The following MIDEAS variants were observed in gnomAD, a reference collection of about 807,000 sequenced individuals.
MIDEAS encodes the protein mitotic deacetylase associated SANT domain protein.
A neutral mutation model predicts 102.7 loss-of-function variants in MIDEAS; 26 were observed. That is an observed-to-expected ratio of 0.25 (90% CI 0.19 to 0.35). The LOEUF is 0.35. Ranked by LOEUF, MIDEAS falls within the 10% of genes least tolerant of loss-of-function variation. The pLI, the probability that MIDEAS is intolerant of heterozygous loss-of-function variation, is 1.00. For missense variants in MIDEAS, 1,231 were observed against 1,435.6 expected (o/e 0.86, Z 2.30); for synonymous variants, 585 against 591.0 (o/e 0.99, Z 0.15).
rs767161685 is a variant in MIDEAS, at chr14:73,725,792, G to T, written c.2485+241C>A. On this transcript the variant is annotated intron_variant, in intron 8 of 12. Transcript: ENST00000423556. This position sits in a 1 kb window ranked among gnomAD's most constrained non-coding sequence, Gnocchi z 4.1. The stretch of plus-strand genomic sequence containing the variant: ...CATGGGTTCCTGTCCTTGTGGCCTG[G>T]GCTTTTTTGCCTGGATGGTCTCCCA... Among the ~76,000 whole-genome samples the T allele has an allele frequency of 6.6e-6, 1 of 152,112 alleles. No individual in the cohort carries two copies. The highest frequency in any genetic ancestry group is 1.5e-5 in the Non-Finnish European group (1 of 68,014).
chr14:73,784,079 G>C (rs1011077472), intron 1 of MIDEAS, among the ~76,000 whole-genome samples: 1 of 152,312 alleles, frequency 6.6e-6, no homozygotes, highest in Non-Finnish European at 1.5e-5. Flanking sequence ...AGAGTTGCTG[G>C]GTTGCCTAAT....
At chr14:73,740,584 G>A (rs955737696) in intron 1 of MIDEAS, among the ~76,000 whole-genome samples, 1 of 152,224 alleles carries the variant, frequency 6.6e-6, no homozygotes, top group Non-Finnish European at 1.5e-5. Flanking sequence ...CACAGGTGGA[G>A]CTGACATCCA....
At chr14:73,787,316 T>C (rs1374046814), upstream of MIDEAS, 12 of 149,374 alleles carry the variant, frequency 8.0e-5, no homozygotes, top group African/African-American at 2.9e-4. Flanking sequence ...CGCCCCCGGC[T>C]CCGCGCGCCC....
rs188379663 is a variant in MIDEAS at position 73,722,616 on chromosome 14, A to G, written c.2724+82T>C. 13,647 of 1,536,606 alleles carry G rather than the reference A, an allele frequency of 8.9e-3. 90 individuals carry two copies. Among genetic ancestry groups the G allele is most frequent in the Non-Finnish European group, 0.011 (12,369 of 1,133,842 alleles). ...ACCTGCCCTCTGCAGGCTCCTGGAGAGCTCGGGCTCGGGCTCCCAGCTCAG... is the reference window on the plus strand; with the variant it reads ...ACCTGCCCTCTGCAGGCTCCTGGAGGGCTCGGGCTCGGGCTCCCAGCTCAG... On this transcript the variant is annotated intron_variant, in intron 10 of 12. Coordinates refer to ENST00000423556, the MANE Select transcript of MIDEAS (RefSeq NM_001367710.1).
In MIDEAS at chr14:73,721,528, A is replaced by G. The variant is rs544407069; in HGVS notation, c.2725-19T>C. The G allele has an allele frequency of 3.4e-4, 550 of 1,609,038 alleles. 4 individuals are homozygous for G. The South Asian group carries it at 5.8e-3, about 17-fold the overall frequency. ...GGGAAGTCTATGGGGAACAAGAACA[A>G]GGGCAGTGAGCCTAGAGCTCTGTCT... On this transcript the variant is annotated intron_variant, in intron 10 of 12. Transcript: ENST00000423556.
At position 73,759,607 on chromosome 14, in the gene MIDEAS, G is replaced by A. The variant is rs1010312487; in HGVS notation, c.-248+156C>T. On this transcript the variant is annotated intron_variant, in intron 1 of 12. Transcript: ENST00000423556. This position sits in a 1 kb window ranked among gnomAD's most constrained non-coding sequence, Gnocchi z 6.7. ...CTCCACCGCCGCCCAGGCCGCAGAA[G>A]TTCGAGCGCAGCGGCCCCCGCGGCC... Among the ~76,000 whole-genome samples the A allele has an allele frequency of 6.7e-6, 1 of 149,300 alleles. No homozygotes were observed. Among genetic ancestry groups the A allele is most frequent in the African/African-American group, 2.4e-5 (1 of 41,132 alleles).
intron 1 of MIDEAS, among the ~76,000 whole-genome samples, chr14:73,772,952 C>T (rs2053655468): frequency 6.6e-6 from 1 of 151,944 alleles, no homozygotes; most frequent in South Asian, 2.1e-4. Flanking sequence ...GATTCTCCTG[C>T]CTCAGCCTCC....
chr14:73,756,295 TGCGC>T (rs1555344807), intron 1 of MIDEAS, among the ~76,000 whole-genome samples: 1 of 127,626 alleles, frequency 7.8e-6, no homozygotes, highest in African/African-American at 2.7e-5. Flanking sequence ...TGTGTGTGTG[TGCGC>T]GCGCGCGTGC....
intron 1 of MIDEAS, among the ~76,000 whole-genome samples, chr14:73,748,520 G>C (rs982347562): frequency 1.3e-5 from 2 of 151,928 alleles, no homozygotes; most frequent in Non-Finnish European, 2.9e-5. Context: ...AACACAGTGA[G>C]ACTCTGTACC....
intron 11 of MIDEAS, among the ~76,000 whole-genome samples, chr14:73,721,090 TC>T (rs1215952376): frequency 6.6e-6 from 1 of 152,178 alleles, no homozygotes. Flanking sequence ...GGCCACAATT[TC>T]CCCATCTATA....
intron 1 of MIDEAS, among the ~76,000 whole-genome samples, chr14:73,745,086 G>C (rs963815936): frequency 6.6e-6 from 1 of 152,160 alleles, no homozygotes; most frequent in African/African-American, 2.4e-5. Context: ...GGGCAGAGGC[G>C]ACACAGCCCG....
chr14:73,729,496 C>T (rs564092831), intron 4 of MIDEAS, 144 bp downstream of exon 4: 2 of 688,964 alleles, frequency 2.9e-6, no homozygotes, highest in South Asian at 4.9e-5. Context: ...GGACAACCTC[C>T]TTCTCAATCT....
At chr14:73,757,834 A>C (rs2053503930) in intron 1 of MIDEAS, among the ~76,000 whole-genome samples, 1 of 152,244 alleles carries the variant, frequency 6.6e-6, no homozygotes, top group Non-Finnish European at 1.5e-5. Flanking sequence ...GCAGCAGCAC[A>C]CAGGGTCAAA....
chr14:73,765,888 T>C (rs2053588552), intron 1 of MIDEAS, among the ~76,000 whole-genome samples: 1 of 152,192 alleles, frequency 6.6e-6, no homozygotes, highest in South Asian at 2.1e-4. Flanking sequence ...GTTGGTACAA[T>C]GTCCCCCAGA....
At chr14:73,750,787 CA>C (rs2140141736) in intron 1 of MIDEAS, among the ~76,000 whole-genome samples, 1 of 152,320 alleles carries the variant, frequency 6.6e-6, no homozygotes, top group East Asian at 1.9e-4. Flanking sequence ...CAGCCAGGAG[CA>C]AAATCAAGGA....
chr14:73,747,950 T>C (rs2053374399), intron 1 of MIDEAS, among the ~76,000 whole-genome samples: 1 of 152,150 alleles, frequency 6.6e-6, no homozygotes. Flanking sequence ...CTGTGGCTCT[T>C]ACCACGCCTG....
In MIDEAS at chr14:73,717,088, A is replaced by G. The variant is rs1001937525; in HGVS notation, c.*1755T>C. ...AGCTGGGGTCCTGTAGAACCATACT[A>G]ATGTACAAATGGATGCTGAAAAATA... On this transcript the variant is annotated 3_prime_UTR_variant, in exon 13 of 13. Transcript: ENST00000423556. 6.6e-6 allele frequency: 1 copy of G among 152,270 alleles called. No individual in the cohort carries two copies. Among genetic ancestry groups the G allele is most frequent in the Non-Finnish European group, 1.5e-5 (1 of 68,032 alleles). 9.4% of individuals were successfully genotyped at this position (152,270 alleles called of 1,614,324 possible). A position where few individuals can be genotyped will look rare whatever the true frequency, so the allele number is the denominator to read the frequency against.
chr14:73,781,463 G>A (rs912704856), intron 1 of MIDEAS, among the ~76,000 whole-genome samples: 10 of 152,142 alleles, frequency 6.6e-5, no homozygotes, highest in Non-Finnish European at 1.3e-4. Flanking sequence ...GGCCAGCCGC[G>A]GTGGCTCATG....
chr14:73,730,724 G>T (rs114187225), intron 3 of MIDEAS, among the ~76,000 whole-genome samples: 10 of 151,792 alleles, frequency 6.6e-5, no homozygotes, highest in African/African-American at 9.7e-5. Flanking sequence ...AGGTCGAGGT[G>T]GGGGGGAGGG....
Sources: allele counts gnomAD v4.1 joint callset (sites outside exome capture counted in the v4.1 genomes callset), GRCh38; gene constraint gnomAD v4.1.1; non-coding constraint Gnocchi (gnomAD v3.1); transcripts MANE v1.5; gene names NCBI Gene and HGNC (gene_info 2026-07-23, HGNC 2026-07-21).